MCTP1: variants seen among roughly 807,000 people sequenced by gnomAD.
The protein encoded by MCTP1 is multiple C2 and transmembrane domain-containing protein 1.
In MCTP1, 69 loss-of-function variants were observed where a neutral mutation model predicts 120.6. That is an observed-to-expected ratio of 0.57 (90% confidence interval 0.47 to 0.70). MCTP1 has a LOEUF of 0.70. MCTP1 is among the 30% of genes least tolerant of loss of function. The pLI is 0.00. For synonymous variants in MCTP1, 529 were observed against 493.1 expected (o/e 1.07, Z -0.96); for missense variants, 1,203 against 1,248.8 (o/e 0.96, Z 0.55).
chr5:95,181,554 T>C (rs1034360579), intron 1 of MCTP1, among the ~76,000 whole-genome samples: 4 of 152,146 alleles, frequency 2.6e-5, no homozygotes, highest in Non-Finnish European at 4.4e-5. Context: ...AAAATTATCA[T>C]ACCTCTTGAT....
At chr5:95,211,291 C>T (rs1752339434) in intron 1 of MCTP1, among the ~76,000 whole-genome samples, 2 of 152,178 alleles carry the variant, frequency 1.3e-5, no homozygotes, top group Middle Eastern at 6.8e-3. Flanking sequence ...GTTCCATTCT[C>T]CCTGTCACTT....
chr5:95,212,034 G>T (rs1752442702), intron 1 of MCTP1, among the ~76,000 whole-genome samples: 1 of 152,060 alleles, frequency 6.6e-6, no homozygotes, highest in Admixed American at 6.6e-5. Flanking sequence ...AACTGAAGGA[G>T]ATAGAGACAC....
intron 1 of MCTP1, among the ~76,000 whole-genome samples, chr5:95,228,883 C>G (rs938422442): frequency 8.5e-5 from 13 of 152,140 alleles, no homozygotes; most frequent in Admixed American, 6.5e-5. Flanking sequence ...TTTCCTGAGG[C>G]CTCCCCAGAA....
At chr5:95,283,529 G>A (rs1211058362) in intron 1 of MCTP1, among the ~76,000 whole-genome samples, 1 of 152,124 alleles carries the variant, frequency 6.6e-6, no homozygotes, top group African/African-American at 2.4e-5. Context: ...TTTTTCTTTT[G>A]CCAAGATGAG....
chr5:95,166,437 A>C (rs1387898277), intron 1 of MCTP1, among the ~76,000 whole-genome samples: 1 of 152,126 alleles, frequency 6.6e-6, no homozygotes, highest in Admixed American at 6.5e-5. Context: ...GCAACATCTC[A>C]CTGTCACTTA....
intron 8 of MCTP1, among the ~76,000 whole-genome samples, chr5:94,916,872 G>A (rs1174729061): frequency 6.6e-6 from 1 of 152,248 alleles, no homozygotes; most frequent in Non-Finnish European, 1.5e-5. Context: ...ACTCTAGAGT[G>A]AGGATTCTTG....
At chr5:94,745,674 C>T (rs1323107613) in intron 19 of MCTP1, among the ~76,000 whole-genome samples, 1 of 152,092 alleles carries the variant, frequency 6.6e-6, no homozygotes, top group Non-Finnish European at 1.5e-5. Flanking sequence ...CACATAGGTG[C>T]TTAATAGAAA....
At chr5:94,791,345 A>G (rs1020853981) in intron 18 of MCTP1, among the ~76,000 whole-genome samples, 1 of 151,880 alleles carries the variant, frequency 6.6e-6, no homozygotes, top group Non-Finnish European at 1.5e-5. Context: ...TGTTTAATTA[A>G]GAAGACTGGT....
At chr5:95,158,772 CA>C (rs144028033) in intron 1 of MCTP1, among the ~76,000 whole-genome samples, 10,756 of 138,914 alleles carry the variant, frequency 0.077, 960 homozygotes, top group African/African-American at 0.22. Context: ...CAAAAAATAC[CA>C]AAAAAAAAAA....
chr5:94,815,700 C>G (rs1784364188), intron 17 of MCTP1, among the ~76,000 whole-genome samples: 1 of 152,204 alleles, frequency 6.6e-6, no homozygotes, highest in Non-Finnish European at 1.5e-5. Context: ...AAAGAGGCAG[C>G]AATGTGTTTC....
At chr5:95,229,312 A>T (rs1034616443) in intron 1 of MCTP1, among the ~76,000 whole-genome samples, 1 of 152,192 alleles carries the variant, frequency 6.6e-6, no homozygotes, top group African/African-American at 2.4e-5. Flanking sequence ...GCTGACCTAA[A>T]ACACTAATGA....
intron 2 of MCTP1, among the ~76,000 whole-genome samples, chr5:94,992,265 A>C (rs986152344): frequency 2.0e-5 from 3 of 152,106 alleles, no homozygotes; most frequent in Admixed American, 6.6e-5. Context: ...GTTTTAGTTA[A>C]TATGATGCTA....
chr5:94,956,205 A>G (rs1005958138), intron 2 of MCTP1, among the ~76,000 whole-genome samples: 3 of 152,264 alleles, frequency 2.0e-5, no homozygotes, highest in Non-Finnish European at 4.4e-5. Context: ...ACAAACAGAA[A>G]GGAATAGCCA....
chr5:94,973,377 T>A (rs960365981), intron 2 of MCTP1, among the ~76,000 whole-genome samples: 3 of 152,206 alleles, frequency 2.0e-5, no homozygotes, highest in Admixed American at 6.5e-5. Flanking sequence ...GAGACAAGAT[T>A]GTATACTAGG....
intron 17 of MCTP1, among the ~76,000 whole-genome samples, chr5:94,811,365 T>C (rs1395152894): frequency 1.3e-5 from 2 of 152,200 alleles, no homozygotes; most frequent in South Asian, 4.1e-4. Flanking sequence ...CAATGGGGCT[T>C]GTGTTTCAAT....
chr5:95,168,988 G>A (rs543086953), intron 1 of MCTP1, among the ~76,000 whole-genome samples: 13 of 152,140 alleles, frequency 8.5e-5, no homozygotes, highest in African/African-American at 3.1e-4. Context: ...TTTTCAAAGG[G>A]AATGCTTCCA....
chr5:95,269,239 A>T (rs770083388), intron 1 of MCTP1, among the ~76,000 whole-genome samples: 1 of 152,212 alleles, frequency 6.6e-6, no homozygotes, highest in African/African-American at 2.4e-5. Context: ...AGAAGACATT[A>T]TCTCACACCT....
chr5:94,716,201 A>G (rs567933317), intron 19 of MCTP1, among the ~76,000 whole-genome samples: 8 of 152,272 alleles, frequency 5.3e-5, no homozygotes, highest in Non-Finnish European at 1.0e-4. Flanking sequence ...TTTAATTCAC[A>G]TGGGAGAAAT....
intron 17 of MCTP1, among the ~76,000 whole-genome samples, chr5:94,827,820 CATTT>C (rs750893006): frequency 2.0e-5 from 3 of 151,794 alleles, no homozygotes; most frequent in Non-Finnish European, 4.4e-5. Flanking sequence ...TCCGTCAGGT[CATTT>C]ATGTTCTTCT....
Sources: gnomAD v4.1 joint callset for allele counts (sites outside exome capture counted in the v4.1 genomes callset) on GRCh38, gnomAD v4.1.1 for gene constraint, MANE v1.5 for transcripts, NCBI Gene and HGNC (gene_info 2026-07-23, HGNC 2026-07-21) for gene names.